RYR3: variants seen among roughly 807,000 people sequenced by gnomAD.
RYR3 encodes the protein brain ryanodine receptor-calcium release channel.
In RYR3, 207 loss-of-function variants were observed where a neutral mutation model predicts 584.3. The ratio of observed to expected loss-of-function variants is 0.35; its 90% CI spans 0.32 to 0.40. The LOEUF (loss-of-function observed/expected upper bound fraction) is 0.40, where lower values mean the gene tolerates loss of function less well. RYR3 is among the 10% of genes least tolerant of loss of function. RYR3 has a pLI of 1.00. For synonymous variants in RYR3, 2,416 were observed against 2,248.5 expected (o/e 1.07, Z -2.11); for missense variants, 5,616 against 6,089.2 (o/e 0.92, Z 2.59).
chr15:33,431,419 G>T (rs571694163), intron 1 of RYR3, among the ~76,000 whole-genome samples: 2 of 152,176 alleles, frequency 1.3e-5, no homozygotes, highest in South Asian at 4.1e-4. Flanking sequence ...GTGTGTATAT[G>T]TATGTATAGA....
Position 33,669,414 on chromosome 15 carries a change from G to C in RYR3, c.5680G>C (p.Glu1894Gln), listed in dbSNP as rs1475828282. 1.9e-6 allele frequency: 3 copies of C among 1,613,880 alleles called. No homozygotes were observed. Among genetic ancestry groups the C allele is most frequent in the African/African-American group, 1.3e-5 (1 of 74,926 alleles). Residue 1894 changes from glutamate (E) to glutamine (Q), a missense_variant, in exon 37 of 104, where the codon GAG (glutamate) becomes CAG (glutamine). Physicochemically the swap from Glu to Gln is conservative, Grantham distance 29 (BLOSUM62 2). Coordinates refer to ENST00000634891, the MANE Select transcript of RYR3 (RefSeq NM_001036.6). ...CTGCCCCTGCCCAGAGGAGATTCGG[G>C]AGGAGCTGTATGATTTCCATGAGGA... ...ENCPCPEEIR[E>Q]ELYDFHEDLL...
At chr15:33,691,509 TTTTCATTTTTTTCA>T (rs1265030223) in intron 38 of RYR3, among the ~76,000 whole-genome samples, 2 of 151,994 alleles carry the variant, frequency 1.3e-5, no homozygotes, top group African/African-American at 2.4e-5. Flanking sequence ...AGGCTTACTT[TTTTCATTTTTTTCA>T]TTTCATTTTT....
chr15:33,753,216 T>G (rs1421478455), intron 57 of RYR3, among the ~76,000 whole-genome samples: 1 of 152,246 alleles, frequency 6.6e-6, no homozygotes, highest in African/African-American at 2.4e-5. Context: ...AGCAGTTCTC[T>G]TCATACTTTT....
chr15:33,799,104 G>A (rs114454785), intron 67 of RYR3, among the ~76,000 whole-genome samples: 2,082 of 152,088 alleles, frequency 0.014, 46 homozygotes, highest in African/African-American at 0.045. Flanking sequence ...GTGATATTTC[G>A]ATATAATAAA....
At chr15:33,815,065 G>A (rs1263515119) in intron 74 of RYR3, among the ~76,000 whole-genome samples, 1 of 123,504 alleles carries the variant, frequency 8.1e-6, no homozygotes. Flanking sequence ...ACGAGACTCT[G>A]TCTCAAAAAA....
intron 58 of RYR3, among the ~76,000 whole-genome samples, chr15:33,755,526 G>A (rs1172797272): frequency 6.6e-6 from 1 of 152,174 alleles, no homozygotes; most frequent in East Asian, 1.9e-4. Context: ...GGAGGCTGAG[G>A]CAGGAGAATC....
chr15:33,509,771 A>T (rs541775423), intron 3 of RYR3, among the ~76,000 whole-genome samples: 2 of 152,298 alleles, frequency 1.3e-5, no homozygotes, highest in South Asian at 4.1e-4. Context: ...CACTGCCTCA[A>T]GCTGTCCAAG....
intron 12 of RYR3, among the ~76,000 whole-genome samples, chr15:33,572,656 T>TACACAC (rs1189671888): frequency 0.02 from 2,447 of 124,406 alleles, 35 homozygotes; most frequent in Non-Finnish European, 0.031. Context: ...AAAAACTATA[T>TACACAC]ATACACACAC....
At chr15:33,669,716 AG>A (rs1452136670) in intron 37 of RYR3, among the ~76,000 whole-genome samples, 1 of 152,156 alleles carries the variant, frequency 6.6e-6, no homozygotes, top group Non-Finnish European at 1.5e-5. Flanking sequence ...TTCTAGCAAA[AG>A]AATGAAGACA....
chr15:33,770,972 C>T lies in RYR3; in HGVS notation c.8817-948C>T, dbSNP rs577092330. Among the ~76,000 whole-genome samples, 8 of 152,326 alleles carry T rather than the reference C, an allele frequency of 5.3e-5. No homozygotes were observed. The South Asian group carries it at 1.7e-3, about 32-fold the overall frequency. ...TTCCAATTCTAAGTTTTATGAAATA[C>T]TGTAGTTTTGAGGGAAGGCTTCAAA... On this transcript the variant is annotated intron_variant, in intron 62 of 103. Coordinates refer to ENST00000634891, the MANE Select transcript of RYR3 (RefSeq NM_001036.6).
chr15:33,722,556 A>G, intron 43 of RYR3, 159 bp from the exon 44 acceptor site: 1 of 672,786 alleles, frequency 1.5e-6, no homozygotes, highest in Non-Finnish European at 2.6e-6. Context: ...CAGATGTCTT[A>G]GTTCCTTCTC....
At chr15:33,583,176 T>C (rs1004263127) in intron 14 of RYR3, among the ~76,000 whole-genome samples, 1 of 152,186 alleles carries the variant, frequency 6.6e-6, no homozygotes, top group East Asian at 1.9e-4. Flanking sequence ...GCCTGAGAAT[T>C]TGAGTTTTTA....
intron 16 of RYR3, among the ~76,000 whole-genome samples, chr15:33,590,106 G>A (rs1484348266): frequency 1.3e-5 from 2 of 152,174 alleles, no homozygotes; most frequent in Non-Finnish European, 2.9e-5. Flanking sequence ...GGGTCACAAG[G>A]TGCTCCGTGG....
At chr15:33,801,003 T>G (rs2075890046) in intron 68 of RYR3, 146 bp downstream of exon 68, 1 of 645,162 alleles carries the variant, frequency 1.5e-6, no homozygotes, top group South Asian at 1.9e-5. Context: ...TGACACTGCC[T>G]CAGGAGGTCC....
chr15:33,755,158 T>C lies in RYR3; in HGVS notation c.8493T>C (p.Ala2831=). 2 of 1,608,740 alleles carry C rather than the reference T, an allele frequency of 1.2e-6. No homozygotes were observed. Among genetic ancestry groups the C allele is most frequent in the Non-Finnish European group, 1.7e-6 (2 of 1,175,990 alleles). ...AGATCCTGAAATACGTTGATTCTGC[T>C]CAAGAATTTATTGCCCATTTAGGTA... The part of the protein sequence containing the change: ...LKKILKYVDS[A]QEFIAHLEAI... Residue 2831 remains alanine (A), a synonymous_variant, in exon 58 of 104, where the codon GCT becomes GCC. Coordinates refer to ENST00000634891, the MANE Select transcript of RYR3 (RefSeq NM_001036.6).
chr15:33,749,943 T>G (rs937654604), intron 55 of RYR3, 36 bp from the exon 56 acceptor site: 2 of 1,596,178 alleles, frequency 1.3e-6, no homozygotes, highest in Non-Finnish European at 1.7e-6. Context: ...GCCTGCTTTC[T>G]TTCTTTTTGA....
At chr15:33,727,798 G>A (rs951570472) in intron 46 of RYR3, among the ~76,000 whole-genome samples, 3 of 152,140 alleles carry the variant, frequency 2.0e-5, no homozygotes, top group African/African-American at 2.4e-5. Context: ...TGTGGCTATA[G>A]CGTGCTCATT....
Position 33,623,504 on chromosome 15 carries a change from A to G in RYR3, c.2358-303A>G, listed in dbSNP as rs367940744. Reference sequence around the variant, plus strand: ...GTTTTTCAATACTGCAATAATATCTATAGTAATTATTTACCTATTAGAGTA... The same window carrying G: ...GTTTTTCAATACTGCAATAATATCTGTAGTAATTATTTACCTATTAGAGTA... On this transcript the variant is annotated intron_variant, in intron 19 of 103. Coordinates refer to ENST00000634891, the MANE Select transcript of RYR3 (RefSeq NM_001036.6). 7.9e-5 allele frequency among the ~76,000 whole-genome samples: 12 copies of G among 152,320 alleles called. No homozygotes were observed. In the South Asian group the frequency reaches 2.3e-3, roughly 29 times the overall value.
chr15:33,696,168 T>C (rs1465975638), intron 38 of RYR3, 50 bp from the exon 39 acceptor site: 1 of 1,562,282 alleles, frequency 6.4e-7, no homozygotes, highest in African/African-American at 1.4e-5. Context: ...CACCCAGCTC[T>C]CCCTGAGCCA....
Sources: allele counts gnomAD v4.1 joint callset (sites outside exome capture counted in the v4.1 genomes callset), GRCh38; gene constraint gnomAD v4.1.1; transcripts MANE v1.5; gene names NCBI Gene and HGNC (gene_info 2026-07-23, HGNC 2026-07-21).